The following AQR variants were observed in gnomAD, a reference collection of about 807,000 sequenced individuals.
The protein encoded by AQR is RNA helicase aquarius.
A neutral mutation model predicts 180.5 loss-of-function variants in AQR; 61 were observed. That is an observed-to-expected ratio of 0.34 (90% CI 0.28 to 0.42). The LOEUF is 0.42. Among genes scored for constraint, AQR ranks in the 10% least tolerant of loss-of-function variants. The pLI is 1.00. For synonymous variants in AQR, 551 were observed against 588.8 expected (o/e 0.94, Z 0.93); for missense variants, 1,281 against 1,798.3 (o/e 0.71, Z 5.20).
intron 1 of AQR, among the ~76,000 whole-genome samples, chr15:34,965,210 A>G (rs368982932): frequency 6.6e-6 from 1 of 152,180 alleles, no homozygotes; most frequent in Non-Finnish European, 1.5e-5. Context: ...TTGCTTATCC[A>G]TCTTTCCTTC....
intron 27 of AQR, among the ~76,000 whole-genome samples, chr15:34,880,934 T>A (rs1429827210): frequency 1.3e-5 from 2 of 152,146 alleles, no homozygotes; most frequent in Non-Finnish European, 2.9e-5. Context: ...TTTAAAACTC[T>A]TAAGTGTGAT....
chr15:34,940,303 G>A (rs1652318911), intron 8 of AQR, among the ~76,000 whole-genome samples: 1 of 152,214 alleles, frequency 6.6e-6, no homozygotes, highest in Non-Finnish European at 1.5e-5. Context: ...GGCCGAGGCA[G>A]GCGGATCACC....
rs984850426 is a variant in AQR, at chr15:34,854,525, T to C, written c.*2267A>G. 2 of 152,230 alleles carry C rather than the reference T, an allele frequency of 1.3e-5. No individual in the cohort carries two copies. The highest frequency in any genetic ancestry group is 2.9e-5 in the Non-Finnish European group (2 of 68,048). 9.4% of individuals were successfully genotyped at this position (152,230 alleles called of 1,614,324 possible). Reference sequence around the variant, plus strand: ...AGTCTCTCTGATTGTTTCCTCATTATTTAAAATAAGTACAGCTCTTAAATT... The same window carrying C: ...AGTCTCTCTGATTGTTTCCTCATTACTTAAAATAAGTACAGCTCTTAAATT... On this transcript the variant is annotated 3_prime_UTR_variant, in exon 35 of 35. Transcript: ENST00000156471.
intron 5 of AQR, among the ~76,000 whole-genome samples, chr15:34,947,567 A>G (rs1161700003): frequency 6.6e-6 from 1 of 150,914 alleles, no homozygotes; most frequent in African/African-American, 2.4e-5. Flanking sequence ...ATAAGACAAA[A>G]AAAATAAAAA....
chr15:34,956,014 G>A (rs1384004501), intron 3 of AQR, among the ~76,000 whole-genome samples: 1 of 151,636 alleles, frequency 6.6e-6, no homozygotes, highest in East Asian at 1.9e-4. Flanking sequence ...GTTCTTGTTT[G>A]CATACTTACA....
At chr15:34,893,818 T>C in intron 22 of AQR, 45 bp from the exon 23 acceptor site, 2 of 1,524,430 alleles carry the variant, frequency 1.3e-6, no homozygotes, top group Non-Finnish European at 1.8e-6. Context: ...GTCATCACAG[T>C]TATCACACAT....
intron 6 of AQR, chr15:34,943,304 C>T (rs775002109): frequency 1.3e-6 from 2 of 1,538,698 alleles, no homozygotes; most frequent in South Asian, 1.1e-5. Flanking sequence ...TTGAGCCCAA[C>T]TGCAGATCTA....
intron 31 of AQR, chr15:34,868,866 C>A (rs984060073): frequency 2.0e-5 from 3 of 152,124 alleles, no homozygotes; most frequent in African/African-American, 4.8e-5. Flanking sequence ...TTTCACTGAA[C>A]AAATATACCA....
rs539071873 is a variant in AQR, at chr15:34,887,636, C to G, written c.2682-975G>C. 2.0e-5 allele frequency among the ~76,000 whole-genome samples: 3 copies of G among 152,284 alleles called. No homozygotes were observed. In the East Asian group the frequency reaches 5.8e-4, roughly 29 times the overall value. On this transcript the variant is annotated intron_variant, in intron 24 of 34. Transcript: ENST00000156471. The stretch of plus-strand genomic sequence containing the variant: ...GCACATTCTTTTCACAACACCACAA[C>G]AACAAAGGGTCTCCCATAACCCTTT...
In AQR at chr15:34,886,658, A is replaced by G. The variant is rs1893063908; in HGVS notation, c.2685T>C (p.Tyr895=). The G allele has an allele frequency of 6.3e-7, 1 of 1,599,230 alleles. No individual in the cohort carries two copies. The highest frequency in any genetic ancestry group is 1.1e-5 in the South Asian group (1 of 87,540). ...ELETEKDFSR[Y]GRVNYVLARR... The stretch of plus-strand genomic sequence containing the variant: ...GAGCCAGAACATAATTAACTCTTCC[A>G]TACCTAGACATTTCAATTAGGCAAA... The change falls in exon 25 of 35, where the codon TAT becomes TAC. Residue 895 remains tyrosine, a synonymous_variant. Coordinates refer to ENST00000156471, the MANE Select transcript of AQR (RefSeq NM_014691.3).
intron 22 of AQR, among the ~76,000 whole-genome samples, chr15:34,895,191 T>A (rs373113357): frequency 0.06 from 1,094 of 18,272 alleles, 38 homozygotes; most frequent in Middle Eastern, 0.091. Context: ...AAAAAAAATA[T>A]ATATATATAT....
Position 34,882,308 on chromosome 15 carries a change from C to T in AQR, c.3165+194G>A, listed in dbSNP as rs901245542. 4.0e-5 allele frequency among the ~76,000 whole-genome samples: 6 copies of T among 151,434 alleles called. No homozygotes were observed. The East Asian group carries it at 1.2e-3, about 29-fold the overall frequency. ...GACAACCATATGGTTATAACATTAC[C>T]TAATGGACATATTACTAACAACTAG... On this transcript the variant is annotated intron_variant, in intron 27 of 34. Transcript: ENST00000156471.
chr15:34,872,996 T>C (rs531248459), intron 30 of AQR, among the ~76,000 whole-genome samples: 1 of 152,182 alleles, frequency 6.6e-6, no homozygotes, highest in Non-Finnish European at 1.5e-5. Context: ...AATGAGATAC[T>C]GTAGATATAC....
At chr15:34,965,012 G>A (rs1274615401) in intron 1 of AQR, among the ~76,000 whole-genome samples, 1 of 152,218 alleles carries the variant, frequency 6.6e-6, no homozygotes, top group Non-Finnish European at 1.5e-5. Context: ...CTACTCTGCA[G>A]TGTCTGGCAT....
At position 34,855,125 on chromosome 15, in the gene AQR, A is replaced by C. The variant is rs549899039; in HGVS notation, c.*1667T>G. The C allele has an allele frequency of 6.6e-6, 1 of 152,308 alleles. No homozygotes were observed. Among genetic ancestry groups the C allele is most frequent in the South Asian group, 2.1e-4 (1 of 4,826 alleles). 9.4% of individuals were successfully genotyped at this position (152,308 alleles called of 1,614,324 possible). A position where few individuals can be genotyped will look rare whatever the true frequency, so the allele number is the denominator to read the frequency against. On this transcript the variant is annotated 3_prime_UTR_variant, in exon 35 of 35. Transcript: ENST00000156471. ...GGTATTTCACTCCTCTCATCGTCTC[A>C]TCACTTTCATTTCCCCTCATCACCT...
chr15:34,928,052 GTT>G, intron 12 of AQR, among the ~76,000 whole-genome samples: 1 of 152,308 alleles, frequency 6.6e-6, no homozygotes, highest in South Asian at 2.1e-4. Flanking sequence ...ACCAGCTGTG[GTT>G]ATTTCAAGGG....
At position 34,952,386 on chromosome 15, in the gene AQR, T is replaced by A. The variant is rs558333533; in HGVS notation, c.209+499A>T. 6.2e-4 allele frequency among the ~76,000 whole-genome samples: 95 copies of A among 152,364 alleles called. 1 individual carries two copies. The highest frequency in any genetic ancestry group is 2.0e-3 in the African/African-American group (84 of 41,590). ...TGTTCTGTTTGAGAAATGGTAAATG[T>A]AACTATCATCAACAACAATCCTGGC... On this transcript the variant is annotated intron_variant, in intron 4 of 34. Coordinates refer to ENST00000156471, the MANE Select transcript of AQR (RefSeq NM_014691.3).
chr15:34,891,045 A>G (rs1893138885), intron 23 of AQR, among the ~76,000 whole-genome samples: 2 of 152,142 alleles, frequency 1.3e-5, no homozygotes, highest in African/African-American at 2.4e-5. Context: ...TCTCACTTTC[A>G]CTAGTCCAAC....
At chr15:34,866,528 T>C (rs892179969) in intron 32 of AQR, among the ~76,000 whole-genome samples, 2 of 151,996 alleles carry the variant, frequency 1.3e-5, no homozygotes, top group Non-Finnish European at 2.9e-5. Context: ...AGAACTAAAG[T>C]CACTGGAATT....
Sources: allele counts gnomAD v4.1 joint callset (sites outside exome capture counted in the v4.1 genomes callset), GRCh38; gene constraint gnomAD v4.1.1; transcripts MANE v1.5; gene names NCBI Gene and HGNC (gene_info 2026-07-23, HGNC 2026-07-21).